The following PCDHA6 variants were observed in gnomAD, a reference collection of about 807,000 sequenced individuals.
PCDHA6 encodes the protein protocadherin alpha 6, also known as protocadherin alpha-6.
A neutral mutation model predicts 60.3 loss-of-function variants in PCDHA6; 55 were observed. That is an observed-to-expected ratio of 0.91 (90% CI 0.73 to 1.14). The LOEUF (loss-of-function observed/expected upper bound fraction) is 1.14. Among genes scored for constraint, PCDHA6 ranks in the 50% most tolerant of loss-of-function variants. The probability of loss-of-function intolerance (pLI) is 0.00; values close to 1 mark genes in which losing one functional copy is unlikely to be tolerated. For synonymous variants in PCDHA6, 652 were observed against 557.9 expected (o/e 1.17, Z -2.38); for missense variants, 1,327 against 1,256.5 (o/e 1.06, Z -0.85).
rs1404110882 is a variant in PCDHA6 at position 140,968,973 on chromosome 5, C to A, written c.2395-9976C>A. On this transcript the variant is annotated intron_variant, in intron 1 of 3. Transcript: ENST00000529310. ...ATCATCAAGTGCTACCGCTACACTG[C>A]GTATGGCACTGCATGCTGTGGAGGC... is the stretch of plus-strand genomic sequence containing the variant. The A allele has an allele frequency of 6.2e-7, 1 of 1,614,194 alleles. No homozygotes were observed. The highest frequency in any genetic ancestry group is 1.3e-5 in the African/African-American group (1 of 75,044).
At position 141,010,536 on chromosome 5, in the gene PCDHA6, T is replaced by A; in HGVS notation, c.*599T>A. On this transcript the variant is annotated 3_prime_UTR_variant, in exon 4 of 4. Transcript: ENST00000529310. ...AACTCAAGAGGTGGCAGCCACCCTC[T>A]AGGAGACAAAACTACCCCCACTGAC... 1 of 381,624 alleles carries A rather than the reference T, an allele frequency of 2.6e-6. No homozygotes were observed. The highest frequency in any genetic ancestry group is 4.6e-6 in the Non-Finnish European group (1 of 218,036). 23.6% of individuals were successfully genotyped at this position (381,624 alleles called of 1,614,324 possible).
At chr5:140,925,434 G>C (rs1165185781) in intron 1 of PCDHA6, among the ~76,000 whole-genome samples, 1 of 152,088 alleles carries the variant, frequency 6.6e-6, no homozygotes, top group African/African-American at 2.4e-5. Flanking sequence ...TAGGGTGTTA[G>C]GCAGAATTTG....
At chr5:140,885,577 A>G (rs1554182197) in intron 1 of PCDHA6, among the ~76,000 whole-genome samples, 1 of 152,172 alleles carries the variant, frequency 6.6e-6, no homozygotes, top group African/African-American at 2.4e-5. Context: ...TCAGATGTGG[A>G]ATTGATGCAT....
At chr5:140,975,352 T>G (rs2096663445) in intron 1 of PCDHA6, among the ~76,000 whole-genome samples, 1 of 152,256 alleles carries the variant, frequency 6.6e-6, no homozygotes, top group African/African-American at 2.4e-5. Flanking sequence ...TAAAGCCAAC[T>G]GTGCTACATA....
chr5:140,898,673 G>A (rs1378652105), intron 1 of PCDHA6, among the ~76,000 whole-genome samples: 1 of 152,170 alleles, frequency 6.6e-6, no homozygotes, highest in Non-Finnish European at 1.5e-5. Flanking sequence ...GGTGTTGCGG[G>A]CTGTTTTTTG....
At chr5:140,881,931 G>T in intron 1 of PCDHA6, 1 of 276,824 alleles carries the variant, frequency 3.6e-6, no homozygotes, top group South Asian at 8.8e-5. Flanking sequence ...GCAGTGATTT[G>T]CTGTTTCTGG....
At chr5:140,896,946 T>A (rs2065814718) in intron 1 of PCDHA6, among the ~76,000 whole-genome samples, 1 of 152,134 alleles carries the variant, frequency 6.6e-6, no homozygotes, top group Non-Finnish European at 1.5e-5. Context: ...GGAATGGCCA[T>A]TCCCTTAAAC....
intron 3 of PCDHA6, among the ~76,000 whole-genome samples, chr5:141,000,391 C>CTATATA (rs2097912428): frequency 7.1e-5 from 4 of 56,662 alleles, no homozygotes; most frequent in Non-Finnish European, 1.2e-4. Flanking sequence ...CTCTCTCTCT[C>CTATATA]TCTCTATATA....
At chr5:140,993,521 G>A (rs1554253818) in intron 3 of PCDHA6, among the ~76,000 whole-genome samples, 1 of 151,130 alleles carries the variant, frequency 6.6e-6, no homozygotes, top group African/African-American at 2.4e-5. Context: ...GGGAGAGAGA[G>A]ACAGAGAGAG....
intron 1 of PCDHA6, chr5:140,882,788 C>G: frequency 6.2e-7 from 1 of 1,614,216 alleles, no homozygotes; most frequent in Non-Finnish European, 8.5e-7. Flanking sequence ...CCGACTGGAT[C>G]CCAACGATTA....
At chr5:140,956,554 G>C (rs546505112) in intron 1 of PCDHA6, among the ~76,000 whole-genome samples, 1 of 152,318 alleles carries the variant, frequency 6.6e-6, no homozygotes, top group East Asian at 1.9e-4. Flanking sequence ...TGGTTTGCCA[G>C]TATCTTATTG....
intron 1 of PCDHA6, chr5:140,836,570 G>C: frequency 1.2e-6 from 2 of 1,613,682 alleles, no homozygotes; most frequent in East Asian, 2.2e-5. Context: ...CGTCCTCTGA[G>C]GGCGCATGTA....
intron 1 of PCDHA6, chr5:140,834,139 T>C (rs1487804482): frequency 6.0e-6 from 3 of 498,162 alleles, no homozygotes; most frequent in Non-Finnish European, 7.0e-6. Flanking sequence ...ATCTGATTAA[T>C]AGTTTGTAAT....
At chr5:140,997,251 G>T (rs1217959179) in intron 3 of PCDHA6, among the ~76,000 whole-genome samples, 2 of 152,060 alleles carry the variant, frequency 1.3e-5, no homozygotes, top group Non-Finnish European at 2.9e-5. Context: ...TTACTTTAGG[G>T]TTCACTCTTC....
At chr5:140,882,252 G>A in intron 1 of PCDHA6, 1 of 1,597,600 alleles carries the variant, frequency 6.3e-7, no homozygotes, top group Non-Finnish European at 8.5e-7. Context: ...ATAGCTCTGA[G>A]GTTTTTGGAG....
rs782644684 is a variant in PCDHA6 at position 140,870,861 on chromosome 5, G to C, written c.2394+40376G>C. The C allele has an allele frequency of 1.9e-6, 3 of 1,613,770 alleles. No individual in the cohort carries two copies. The African/African-American group carries it at 4.0e-5, about 22-fold the overall frequency. ...AGCTAGTACCGCGGTCGGTGGGTGC[G>C]GGCCACGTGGTGGCGAAGGTGCGCG... On this transcript the variant is annotated intron_variant, in intron 1 of 3. Coordinates refer to ENST00000529310, the MANE Select transcript of PCDHA6 (RefSeq NM_018909.4).
chr5:140,972,406 A>T (rs75214457), intron 1 of PCDHA6, among the ~76,000 whole-genome samples: 3,555 of 151,374 alleles, frequency 0.023, 73 homozygotes, highest in Middle Eastern at 0.055. Flanking sequence ...CTATTGGCAA[A>T]CCCTGTTAAG....
chr5:140,917,327 GGGA>G (rs1563018681), intron 1 of PCDHA6, among the ~76,000 whole-genome samples: 5 of 149,526 alleles, frequency 3.3e-5, no homozygotes, highest in Admixed American at 6.6e-5. Context: ...CATGTGGCGG[GGGA>G]GGGGGGGGAT....
intron 1 of PCDHA6, among the ~76,000 whole-genome samples, chr5:140,872,045 C>G (rs1286579116): frequency 6.6e-6 from 1 of 152,208 alleles, no homozygotes; most frequent in East Asian, 1.9e-4. Flanking sequence ...AAGAATTCTC[C>G]CACTTCAGCC....
Sources: allele counts gnomAD v4.1 joint callset (sites outside exome capture counted in the v4.1 genomes callset), GRCh38; gene constraint gnomAD v4.1.1; transcripts MANE v1.5; gene names NCBI Gene and HGNC (gene_info 2026-07-23, HGNC 2026-07-21).